The following CASQ2 variants were observed in gnomAD, a reference collection of about 807,000 sequenced individuals.
CASQ2 encodes the protein calsequestrin 2.
A neutral mutation model predicts 46.5 loss-of-function variants in CASQ2; 49 were observed. That is an observed-to-expected ratio of 1.05 (90% confidence interval 0.84 to 1.34). CASQ2 has a LOEUF of 1.34. Among genes scored for constraint, CASQ2 ranks in the 40% most tolerant of loss-of-function variants. The pLI is 0.00. For missense variants in CASQ2, 486 were observed against 481.3 expected, an observed-to-expected ratio of 1.01 and a Z score of -0.09; for synonymous variants, 174 against 168.5, an observed-to-expected ratio of 1.03 and a Z score of -0.25.
intron 7 of CASQ2, among the ~76,000 whole-genome samples, chr1:115,722,707 A>G (rs1647419482): frequency 6.6e-6 from 1 of 152,242 alleles, no homozygotes; most frequent in African/African-American, 2.4e-5. Flanking sequence ...ATTTTGTGCC[A>G]TGAAAGACGA....
At chr1:115,742,930 G>A (rs1417388456) in intron 2 of CASQ2, among the ~76,000 whole-genome samples, 1 of 152,050 alleles carries the variant, frequency 6.6e-6, no homozygotes, top group East Asian at 1.9e-4. Flanking sequence ...TGGGACTACA[G>A]GCACCCGCCA....
At chr1:115,759,280 T>A (rs1440419550) in intron 1 of CASQ2, among the ~76,000 whole-genome samples, 1 of 152,210 alleles carries the variant, frequency 6.6e-6, no homozygotes, top group African/African-American at 2.4e-5. Context: ...GTGTTTGGGT[T>A]ATGTGGGTGG....
At chr1:115,741,451 A>G (rs1044233779) in intron 2 of CASQ2, among the ~76,000 whole-genome samples, 1 of 152,244 alleles carries the variant, frequency 6.6e-6, no homozygotes, top group African/African-American at 2.4e-5. Context: ...GGTCACTTCA[A>G]TCTCACTGAA....
intron 7 of CASQ2, among the ~76,000 whole-genome samples, chr1:115,723,274 C>CATCTATCTATCT (rs1553193948): frequency 1.3e-5 from 2 of 150,856 alleles, no homozygotes; most frequent in Non-Finnish European, 2.9e-5. Flanking sequence ...ATCTATCTAT[C>CATCTATCTATCT]ATCTATCTAT....
intron 5 of CASQ2, 136 bp downstream of exon 5, chr1:115,732,765 A>G (rs1285917007): frequency 2.1e-5 from 15 of 703,374 alleles, no homozygotes; most frequent in African/African-American, 8.7e-5. Context: ...TAGTGATATA[A>G]TTCTTAACCC....
At chr1:115,748,028 C>A (rs920839116) in intron 1 of CASQ2, among the ~76,000 whole-genome samples, 3 of 151,970 alleles carry the variant, frequency 2.0e-5, no homozygotes, top group African/African-American at 7.2e-5. Flanking sequence ...TTTTTTGTTT[C>A]TTTCCCATTC....
At chr1:115,711,466 G>A (rs1436126562) in intron 8 of CASQ2, among the ~76,000 whole-genome samples, 2 of 152,106 alleles carry the variant, frequency 1.3e-5, no homozygotes, top group Admixed American at 6.5e-5. Context: ...TTGATATAAC[G>A]AGATGCTATC....
At chr1:115,724,474 T>G (rs144992621) in intron 7 of CASQ2, among the ~76,000 whole-genome samples, 1 of 152,170 alleles carries the variant, frequency 6.6e-6, no homozygotes. Context: ...GACTAATTAA[T>G]AATACTTGTT....
In CASQ2 at chr1:115,705,187, C is replaced by A. The variant is rs746128346; in HGVS notation, c.939+5G>T. ...GAGGGTGGGGCGCTGGCTGGAGCCA[C>A]TCACCAGAGGAAAGTCGTCCGGGTC... is the stretch of plus-strand genomic sequence containing the variant. On this transcript the variant is annotated splice_donor_5th_base_variant and intron_variant, in intron 9 of 10. Coordinates refer to ENST00000261448, the MANE Select transcript of CASQ2 (RefSeq NM_001232.4). 6.3e-7 allele frequency: 1 copy of A among 1,593,208 alleles called. No homozygotes were observed. The highest frequency in any genetic ancestry group is 8.6e-7 in the Non-Finnish European group (1 of 1,160,862).
chr1:115,746,680 C>T (rs1272356905), intron 1 of CASQ2, among the ~76,000 whole-genome samples: 2 of 152,052 alleles, frequency 1.3e-5, no homozygotes, highest in African/African-American at 4.8e-5. Flanking sequence ...AACTGGATTG[C>T]TTTTTGGCTG....
At chr1:115,719,544 TG>T (rs1647296963) in intron 7 of CASQ2, among the ~76,000 whole-genome samples, 1 of 152,198 alleles carries the variant, frequency 6.6e-6, no homozygotes, top group African/African-American at 2.4e-5. Context: ...AGACCCAAGA[TG>T]GTCCCTGGAG....
chr1:115,728,846 A>G (rs1453793350), intron 5 of CASQ2, among the ~76,000 whole-genome samples: 4 of 152,038 alleles, frequency 2.6e-5, no homozygotes, highest in Non-Finnish European at 5.9e-5. Flanking sequence ...TGGTGGTGAT[A>G]GTCTCGTCTC....
At chr1:115,718,400 A>G (rs1308977438) in intron 7 of CASQ2, among the ~76,000 whole-genome samples, 1 of 152,210 alleles carries the variant, frequency 6.6e-6, no homozygotes, top group Non-Finnish European at 1.5e-5. Flanking sequence ...ACAGATCCTG[A>G]AACTATATCC....
chr1:115,704,078 T>C (rs1654292068), intron 9 of CASQ2, among the ~76,000 whole-genome samples: 1 of 152,196 alleles, frequency 6.6e-6, no homozygotes, highest in Admixed American at 6.5e-5. Context: ...AATTACCCAG[T>C]GCTATGACAT....
rs72554070 is a variant in CASQ2 at position 115,701,244 on chromosome 1, T to TTCA, written c.1194_1196dup (p.Asp398dup). The TTCA allele has an allele frequency of 9.3e-6, 15 of 1,612,514 alleles. No individual in the cohort carries two copies. The highest frequency in any genetic ancestry group is 1.7e-5 in the Admixed American group (1 of 60,018). Reference sequence around the variant, plus strand: ...ATCAGAATTGTTTGGAGTTGGGCTATTCATCATCATCGTCATCACTGTCAT... The same window carrying TTCA: ...ATCAGAATTGTTTGGAGTTGGGCTATTCATCATCATCATCGTCATCACTGTCAT... On this transcript the variant is annotated inframe_insertion, in exon 11 of 11. Coordinates refer to ENST00000261448, the MANE Select transcript of CASQ2 (RefSeq NM_001232.4).
At chr1:115,732,284 C>T (rs1647814211) in intron 5 of CASQ2, 1 of 152,774 alleles carries the variant, frequency 6.5e-6, no homozygotes, top group Non-Finnish European at 1.5e-5. Flanking sequence ...AACTGTAATA[C>T]AACTAATTAG....
intron 8 of CASQ2, among the ~76,000 whole-genome samples, chr1:115,713,984 C>T (rs571860339): frequency 6.6e-6 from 1 of 152,266 alleles, no homozygotes; most frequent in Non-Finnish European, 1.5e-5. Flanking sequence ...AATAGAGAGG[C>T]AGGAAGGAGG....
intron 1 of CASQ2, among the ~76,000 whole-genome samples, chr1:115,767,280 A>C (rs907329861): frequency 1.3e-5 from 2 of 152,168 alleles, no homozygotes; most frequent in Non-Finnish European, 2.9e-5. Context: ...CTGAAATTCC[A>C]CATTCAGCAC....
chr1:115,721,845 A>G (rs543433735), intron 7 of CASQ2, among the ~76,000 whole-genome samples: 1 of 152,320 alleles, frequency 6.6e-6, no homozygotes, highest in East Asian at 1.9e-4. Flanking sequence ...TGCTGGGACT[A>G]TAGACATGAG....
Sources: allele counts gnomAD v4.1 joint callset (sites outside exome capture counted in the v4.1 genomes callset), GRCh38; gene constraint gnomAD v4.1.1; transcripts MANE v1.5; gene names NCBI Gene and HGNC (gene_info 2026-07-23, HGNC 2026-07-21).